TTC28: variants seen among roughly 807,000 people sequenced by gnomAD.
TTC28 encodes the protein tetratricopeptide repeat domain 28.
In TTC28, 61 loss-of-function variants were observed where a neutral mutation model predicts 198.0. That is an observed-to-expected ratio of 0.31 (90% confidence interval 0.25 to 0.38). The LOEUF is 0.38. Among genes scored for constraint, TTC28 ranks in the 10% least tolerant of loss-of-function variants. The pLI, the probability that TTC28 is intolerant of heterozygous loss-of-function variation, is 1.00. For missense variants in TTC28, 2,678 were observed against 3,164.0 expected (o/e 0.85, Z 3.69); for synonymous variants, 1,171 against 1,297.8 (o/e 0.90, Z 2.10).
intron 2 of TTC28, among the ~76,000 whole-genome samples, chr22:28,446,533 GC>G (rs1212236204): frequency 1.3e-5 from 2 of 152,090 alleles, no homozygotes; most frequent in African/African-American, 4.8e-5. Flanking sequence ...TCACTTGAGA[GC>G]TGGTTGTTTA....
intron 22 of TTC28, 148 bp from the exon 23 acceptor site, chr22:27,983,999 A>C: frequency 1.1e-6 from 1 of 947,186 alleles, no homozygotes; most frequent in Non-Finnish European, 1.5e-6. Context: ...ATCCTCAAAA[A>C]CATGGTCCTG....
In TTC28 at chr22:28,459,475, G is replaced by A. The variant is rs1392934416; in HGVS notation, c.382-152832C>T. On this transcript the variant is annotated intron_variant, in intron 2 of 22. Transcript: ENST00000397906. ...GAAAGAAAAAGAAGGCCTGAGGAAG[G>A]TGCATAGAAGCAGGCAGAAACTGCC... is the stretch of plus-strand genomic sequence containing the variant. Among the ~76,000 whole-genome samples the A allele has an allele frequency of 2.0e-5, 3 of 151,760 alleles. No homozygotes were observed. In the East Asian group the frequency reaches 5.8e-4, roughly 29 times the overall value.
At chr22:28,589,439 T>A (rs972687438) in intron 2 of TTC28, among the ~76,000 whole-genome samples, 1 of 152,144 alleles carries the variant, frequency 6.6e-6, no homozygotes, top group African/African-American at 2.4e-5. Context: ...GATAAGAAAG[T>A]CCCCTCTGCT....
chr22:28,670,920 T>C (rs755864790), intron 1 of TTC28, among the ~76,000 whole-genome samples: 11 of 152,154 alleles, frequency 7.2e-5, no homozygotes, highest in Middle Eastern at 3.4e-3. Context: ...GTGGATCTCA[T>C]TGTGGTTTTG....
chr22:28,339,209 A>T (rs986200301), intron 2 of TTC28, among the ~76,000 whole-genome samples: 1 of 152,082 alleles, frequency 6.6e-6, no homozygotes, highest in African/African-American at 2.4e-5. Flanking sequence ...AACAGCGGAT[A>T]TTGGTGAACA....
chr22:28,200,798 G>C (rs1341423805), intron 5 of TTC28, among the ~76,000 whole-genome samples: 1 of 152,112 alleles, frequency 6.6e-6, no homozygotes, highest in African/African-American at 2.4e-5. Context: ...GGTAGGAGCA[G>C]GATTATAAAC....
At chr22:28,537,194 G>A (rs865886303) in intron 2 of TTC28, among the ~76,000 whole-genome samples, 2 of 151,460 alleles carry the variant, frequency 1.3e-5, no homozygotes, top group African/African-American at 4.8e-5. Context: ...TCGGGAGGCC[G>A]AGGCAGGAGA....
At chr22:28,012,056 C>G (rs2146577893) in intron 14 of TTC28, among the ~76,000 whole-genome samples, 1 of 152,242 alleles carries the variant, frequency 6.6e-6, no homozygotes. Context: ...GCGGGGATCC[C>G]TGGGAAATGC....
chr22:28,125,039 C>T (rs964241358), intron 6 of TTC28, among the ~76,000 whole-genome samples: 2 of 152,150 alleles, frequency 1.3e-5, no homozygotes, highest in African/African-American at 2.4e-5. Context: ...ATAATAGTGG[C>T]GATAATGATG....
chr22:28,363,500 GC>G (rs1185928302), intron 2 of TTC28, among the ~76,000 whole-genome samples: 2 of 152,148 alleles, frequency 1.3e-5, no homozygotes, highest in African/African-American at 4.8e-5. Context: ...TGGGGTCGAA[GC>G]CCCCACACAG....
At chr22:28,566,115 G>A (rs1209033298) in intron 2 of TTC28, among the ~76,000 whole-genome samples, 1 of 152,166 alleles carries the variant, frequency 6.6e-6, no homozygotes, top group South Asian at 2.1e-4. Context: ...GCTTTTGTAT[G>A]GCCTCCATAT....
At chr22:28,554,289 T>C (rs1972774237) in intron 2 of TTC28, among the ~76,000 whole-genome samples, 1 of 151,214 alleles carries the variant, frequency 6.6e-6, no homozygotes, top group South Asian at 2.1e-4. Context: ...TGTTCACTTG[T>C]TTATCTGCTG....
intron 6 of TTC28, among the ~76,000 whole-genome samples, chr22:28,159,811 G>A (rs536060853): frequency 2.6e-5 from 4 of 152,282 alleles, no homozygotes; most frequent in East Asian, 1.9e-4. Context: ...TGGAAGCAAT[G>A]TAAGTGTCCA....
chr22:28,322,025 T>A (rs1299711373), intron 2 of TTC28, among the ~76,000 whole-genome samples: 1 of 152,060 alleles, frequency 6.6e-6, no homozygotes, highest in Non-Finnish European at 1.5e-5. Context: ...AGAGACAGGG[T>A]TTCACCATAT....
At chr22:28,433,800 T>C (rs2047472981) in intron 2 of TTC28, among the ~76,000 whole-genome samples, 1 of 152,104 alleles carries the variant, frequency 6.6e-6, no homozygotes, top group Non-Finnish European at 1.5e-5. Context: ...TTTGAATAAG[T>C]TACTGGGGGA....
At chr22:28,217,971 T>C (rs1001960503) in intron 5 of TTC28, among the ~76,000 whole-genome samples, 7 of 152,254 alleles carry the variant, frequency 4.6e-5, no homozygotes, top group African/African-American at 1.7e-4. Context: ...TTTTCTTATC[T>C]GCTTCTGCAT....
intron 2 of TTC28, among the ~76,000 whole-genome samples, chr22:28,608,848 A>C (rs2050775056): frequency 6.6e-6 from 1 of 152,254 alleles, no homozygotes; most frequent in Non-Finnish European, 1.5e-5. Context: ...TACACATGAC[A>C]AAGAATAGAG....
At chr22:28,452,418 A>AT (rs1491161345) in intron 2 of TTC28, among the ~76,000 whole-genome samples, 3 of 142,226 alleles carry the variant, frequency 2.1e-5, no homozygotes, top group Non-Finnish European at 3.1e-5. Context: ...AAAAAAAAAA[A>AT]GAGGCTGTAT....
At chr22:28,643,688 T>C (rs1195887450) in intron 1 of TTC28, among the ~76,000 whole-genome samples, 1 of 152,236 alleles carries the variant, frequency 6.6e-6, no homozygotes, top group Non-Finnish European at 1.5e-5. Flanking sequence ...TTCTTTCAAA[T>C]AATTACTAAG....
Sources: allele counts gnomAD v4.1 joint callset (sites outside exome capture counted in the v4.1 genomes callset), GRCh38; gene constraint gnomAD v4.1.1; transcripts MANE v1.5; gene names NCBI Gene and HGNC (gene_info 2026-07-23, HGNC 2026-07-21).